Variants in RFC3 observed in about 807,000 individuals in gnomAD.
RFC3 encodes replication factor C subunit 3, also known as A1 38 kDa subunit.
Under a neutral mutation model 45.1 loss-of-function variants are expected in RFC3, and 41 were observed. The observed-to-expected ratio is 0.91, with a 90% CI of 0.71 to 1.18. The LOEUF is 1.18. Among genes scored for constraint, RFC3 ranks in the 50% most tolerant of loss-of-function variants. RFC3 has a pLI of 0.00. For missense variants in RFC3, 423 were observed against 428.1 expected (o/e 0.99, Z 0.10); for synonymous variants, 149 against 144.0 (o/e 1.03, Z -0.25).
intron 8 of RFC3, among the ~76,000 whole-genome samples, chr13:33,902,214 T>G (rs192744158): frequency 4.3e-4 from 66 of 152,210 alleles, no homozygotes; most frequent in Admixed American, 3.2e-3. Context: ...ATAATTAGTC[T>G]TCTTGTTTGT....
At chr13:33,963,934 A>G (rs2083072380) in intron 8 of RFC3, among the ~76,000 whole-genome samples, 1 of 152,190 alleles carries the variant, frequency 6.6e-6, no homozygotes, top group Non-Finnish European at 1.5e-5. Flanking sequence ...ACTACATGTT[A>G]AAGTGTGGGG....
chr13:33,922,696 A>T (rs143771879), intron 8 of RFC3, among the ~76,000 whole-genome samples: 2,735 of 152,238 alleles, frequency 0.018, 44 homozygotes, highest in Middle Eastern at 0.054. Context: ...AATCTTGAAT[A>T]TATTACCAGA....
At chr13:33,961,668 T>C (rs1247466634) in intron 8 of RFC3, among the ~76,000 whole-genome samples, 1 of 152,146 alleles carries the variant, frequency 6.6e-6, no homozygotes, top group Non-Finnish European at 1.5e-5. Context: ...TGGATGGCCA[T>C]ATTTATGAGA....
chr13:33,835,521 A>C (rs1477973725), intron 8 of RFC3: 1 of 548,166 alleles, frequency 1.8e-6, no homozygotes, highest in Non-Finnish European at 3.5e-6. Flanking sequence ...ATGATAATGG[A>C]GGGTGGGGCT....
chr13:33,944,868 T>C (rs964414423), intron 8 of RFC3, among the ~76,000 whole-genome samples: 2 of 152,114 alleles, frequency 1.3e-5, no homozygotes, highest in Non-Finnish European at 2.9e-5. Flanking sequence ...AGTCCATGAT[T>C]GGTACAAGAA....
intron 8 of RFC3, among the ~76,000 whole-genome samples, chr13:33,953,093 T>C (rs568252753): frequency 9.2e-5 from 14 of 152,262 alleles, no homozygotes; most frequent in Middle Eastern, 3.4e-3. Flanking sequence ...TAGAAGAAAT[T>C]AAATATATAA....
At chr13:33,833,110 G>A (rs1474879542) in intron 7 of RFC3, among the ~76,000 whole-genome samples, 1 of 152,114 alleles carries the variant, frequency 6.6e-6, no homozygotes, top group African/African-American at 2.4e-5. Context: ...GAAAGCCTTG[G>A]GGCTGGCCAG....
At chr13:33,832,296 G>T (rs2082112357) in intron 7 of RFC3, among the ~76,000 whole-genome samples, 1 of 152,074 alleles carries the variant, frequency 6.6e-6, no homozygotes, top group Non-Finnish European at 1.5e-5. Flanking sequence ...TCATTTTAGG[G>T]TTCAGAATAA....
At chr13:33,834,298 GTATATATATATATA>G (rs58858615) in intron 7 of RFC3, among the ~76,000 whole-genome samples, 11 of 109,220 alleles carry the variant, frequency 1.0e-4, no homozygotes, top group African/African-American at 1.7e-4. Context: ...TGTACTGTGT[GTATATATATATATA>G]TATATATATA....
chr13:33,929,100 C>T (rs879709522), intron 8 of RFC3, among the ~76,000 whole-genome samples: 1 of 151,954 alleles, frequency 6.6e-6, no homozygotes, highest in African/African-American at 2.4e-5. Flanking sequence ...CCTAGTTGTT[C>T]GTAAAATATG....
chr13:33,818,816 A>T (rs1216801610), intron 1 of RFC3, among the ~76,000 whole-genome samples: 2 of 150,060 alleles, frequency 1.3e-5, no homozygotes, highest in Non-Finnish European at 3.0e-5. Context: ...TGTTGTAAAT[A>T]TGTATTTACT....
chr13:33,915,110 T>G (rs181143198), intron 8 of RFC3, among the ~76,000 whole-genome samples: 1 of 152,282 alleles, frequency 6.6e-6, no homozygotes, highest in East Asian at 1.9e-4. Flanking sequence ...AATAGTTGTT[T>G]CTCCATGTCT....
Position 33,954,013 on chromosome 13 carries a change from A to AAACAAGAT in RFC3, c.880-12073_880-12066dup, listed in dbSNP as rs2083006019. Among the ~76,000 whole-genome samples, 11 of 152,328 alleles carry AAACAAGAT rather than the reference A, an allele frequency of 7.2e-5. No homozygotes were observed. In the South Asian group the frequency reaches 2.3e-3, roughly 32 times the overall value. On this transcript the variant is annotated intron_variant, in intron 8 of 8. Coordinates refer to the RFC3 transcript ENST00000434425. ...TGAGAAGACCTCAGGCATGTTCTAC[A>AAACAAGAT]AACAAGATTTTAAAGGAATGTCAAG... is the stretch of plus-strand genomic sequence containing the variant.
downstream of RFC3, among the ~76,000 whole-genome samples, chr13:33,968,062 C>T (rs1043133869): frequency 9.9e-5 from 15 of 152,162 alleles, no homozygotes; most frequent in Admixed American, 4.6e-4. Flanking sequence ...TTGAGTTGAT[C>T]GTGCCCCTTA....
intron 7 of RFC3, among the ~76,000 whole-genome samples, chr13:33,832,577 GT>G (rs1242752957): frequency 1.3e-5 from 2 of 152,120 alleles, no homozygotes; most frequent in African/African-American, 4.8e-5. Flanking sequence ...AATTATTTTA[GT>G]TGAAGAAATC....
intron 8 of RFC3, among the ~76,000 whole-genome samples, chr13:33,929,716 C>T (rs1191720750): frequency 6.6e-6 from 1 of 152,016 alleles, no homozygotes; most frequent in Non-Finnish European, 1.5e-5. Context: ...CAGTTGAACT[C>T]ATAATATATT....
intron 8 of RFC3, among the ~76,000 whole-genome samples, chr13:33,860,387 T>G (rs2082333430): frequency 6.6e-6 from 1 of 152,108 alleles, no homozygotes; most frequent in Non-Finnish European, 1.5e-5. Context: ...CCTCCATGAC[T>G]GCACAAACAC....
rs917859953 is a variant in RFC3, at chr13:33,900,152, A to G, written c.879+64935A>G. On this transcript the variant is annotated intron_variant, in intron 8 of 8. Coordinates refer to the RFC3 transcript ENST00000434425. Reference sequence around the variant, plus strand: ...CAATCCCTATCAAAACGCCAATGACATTCTTCACAGAAATACAAAAAGCAA... The same window carrying G: ...CAATCCCTATCAAAACGCCAATGACGTTCTTCACAGAAATACAAAAAGCAA... Among the ~76,000 whole-genome samples the G allele has an allele frequency of 3.9e-5, 6 of 152,170 alleles. 1 individual carries two copies. Among genetic ancestry groups the G allele is most frequent in the Admixed American group, 3.3e-4 (5 of 15,260 alleles).
At chr13:33,967,140 A>G (rs2083091788), downstream of RFC3, among the ~76,000 whole-genome samples, 1 of 152,072 alleles carries the variant, frequency 6.6e-6, no homozygotes, top group Non-Finnish European at 1.5e-5. Context: ...CTGGGTGACA[A>G]GAGTGAGACT....
Sources: gnomAD v4.1 joint callset for allele counts (sites outside exome capture counted in the v4.1 genomes callset) on GRCh38, gnomAD v4.1.1 for gene constraint, MANE v1.5 for transcripts, NCBI Gene and HGNC (gene_info 2026-07-23, HGNC 2026-07-21) for gene names.